SPOCK1: variants seen among roughly 807,000 people sequenced by gnomAD.
The protein encoded by SPOCK1 is SPARC (osteonectin), cwcv and kazal like domains proteoglycan 1, also known as testican-1.
In SPOCK1, 23 loss-of-function variants were observed where a neutral mutation model predicts 55.3. The ratio of observed to expected loss-of-function variants is 0.42; its 90% CI spans 0.30 to 0.59. SPOCK1 has a LOEUF of 0.59. Among genes scored for constraint, SPOCK1 ranks in the 20% least tolerant of loss-of-function variants. SPOCK1 has a pLI of 0.22. For synonymous variants in SPOCK1, 226 were observed against 221.0 expected (o/e 1.02, Z -0.20); for missense variants, 499 against 552.5 (o/e 0.90, Z 0.97).
intron 3 of SPOCK1, among the ~76,000 whole-genome samples, chr5:137,224,296 G>A (rs1378419749): frequency 6.6e-6 from 1 of 152,212 alleles, no homozygotes; most frequent in Non-Finnish European, 1.5e-5. Context: ...ATATAAATCT[G>A]GAAAATGGTG....
intron 5 of SPOCK1, among the ~76,000 whole-genome samples, chr5:137,084,124 C>T (rs995556049): frequency 3.3e-5 from 5 of 152,098 alleles, no homozygotes; most frequent in Admixed American, 1.3e-4. Context: ...GCTCATCCCC[C>T]TCTGCCAGCC....
intron 3 of SPOCK1, among the ~76,000 whole-genome samples, chr5:137,196,335 C>T (rs145148124): frequency 1.0e-3 from 152 of 152,286 alleles, no homozygotes; most frequent in Non-Finnish European, 1.9e-3. Context: ...GTCGCCTAGC[C>T]CTCTGCATCT....
intron 2 of SPOCK1, among the ~76,000 whole-genome samples, chr5:137,293,417 G>A (rs998734818): frequency 6.6e-6 from 1 of 152,130 alleles, no homozygotes; most frequent in Non-Finnish European, 1.5e-5. Context: ...TGGACTACAT[G>A]CTTTAATAAA....
At chr5:137,021,649 C>A (rs184424126) in intron 6 of SPOCK1, among the ~76,000 whole-genome samples, 60 of 152,302 alleles carry the variant, frequency 3.9e-4, no homozygotes, top group South Asian at 1.0e-3. Flanking sequence ...TCACAATAAT[C>A]TGGCAGCCAT....
intron 4 of SPOCK1, among the ~76,000 whole-genome samples, chr5:137,126,435 G>A (rs530112825): frequency 4.5e-4 from 69 of 152,320 alleles, no homozygotes; most frequent in African/African-American, 1.7e-3. Context: ...CCATTCTGAT[G>A]AGGACTCAGA....
chr5:137,391,107 G>A (rs144262234), intron 2 of SPOCK1, among the ~76,000 whole-genome samples: 4 of 151,978 alleles, frequency 2.6e-5, no homozygotes, highest in African/African-American at 9.7e-5. Flanking sequence ...CCTCCCTGAC[G>A]TTTCTCATTG....
At chr5:137,467,141 A>G (rs1444657448) in intron 2 of SPOCK1, among the ~76,000 whole-genome samples, 1 of 152,242 alleles carries the variant, frequency 6.6e-6, no homozygotes, top group Non-Finnish European at 1.5e-5. Flanking sequence ...GGCCTCCATC[A>G]GGGCAGGCAA....
intron 3 of SPOCK1, among the ~76,000 whole-genome samples, chr5:137,259,895 T>C (rs1049689035): frequency 1.5e-4 from 23 of 152,192 alleles, no homozygotes; most frequent in Non-Finnish European, 3.1e-4. Flanking sequence ...CCCTCGATAG[T>C]TAAAAGGCCC....
chr5:137,408,577 G>A (rs1424935481), intron 2 of SPOCK1, among the ~76,000 whole-genome samples: 3 of 152,184 alleles, frequency 2.0e-5, no homozygotes, highest in African/African-American at 7.2e-5. Context: ...TTGAGAAAAA[G>A]TAAGGGGAAA....
At chr5:137,195,129 T>G (rs1037893221) in intron 3 of SPOCK1, among the ~76,000 whole-genome samples, 1 of 152,226 alleles carries the variant, frequency 6.6e-6, no homozygotes, top group African/African-American at 2.4e-5. Flanking sequence ...ACTCTAACAA[T>G]GTAAAATGAC....
chr5:137,198,454 A>C (rs1226710381), intron 3 of SPOCK1, among the ~76,000 whole-genome samples: 2 of 152,246 alleles, frequency 1.3e-5, no homozygotes, highest in African/African-American at 4.8e-5. Flanking sequence ...AACAGCTATC[A>C]AAGGGAGAAA....
intron 3 of SPOCK1, 121 bp downstream of exon 3, chr5:137,266,889 A>C (rs1756862999): frequency 2.4e-6 from 2 of 838,126 alleles, no homozygotes; most frequent in Admixed American, 4.6e-5. Flanking sequence ...TTCAGTCCCC[A>C]AAGTCAATAA....
chr5:137,106,422 T>G (rs1561611254), intron 5 of SPOCK1, among the ~76,000 whole-genome samples: 1 of 152,140 alleles, frequency 6.6e-6, no homozygotes, highest in Non-Finnish European at 1.5e-5. Context: ...ATTCCAGAAG[T>G]GCTGGGCTCC....
chr5:137,419,509 T>G (rs1162821821), intron 2 of SPOCK1, among the ~76,000 whole-genome samples: 1 of 152,242 alleles, frequency 6.6e-6, no homozygotes, highest in Non-Finnish European at 1.5e-5. Flanking sequence ...CTTGAAGAGG[T>G]CCTTCACATC....
At chr5:137,398,384 C>A (rs1024331102) in intron 2 of SPOCK1, among the ~76,000 whole-genome samples, 6 of 152,208 alleles carry the variant, frequency 3.9e-5, no homozygotes, top group Admixed American at 6.5e-5. Flanking sequence ...CCATCCTCAG[C>A]TTCCCCAGGA....
In SPOCK1 at chr5:137,302,442, T is replaced by C. The variant is rs555610011; in HGVS notation, c.187-35387A>G. On this transcript the variant is annotated intron_variant, in intron 2 of 10. Transcript: ENST00000394945. ...AAAAAAAAAAATTAGCCAGGTGTGGTGGCACGCACCTGTAGTCCCAGCTAC... is the reference window on the plus strand; with the variant it reads ...AAAAAAAAAAATTAGCCAGGTGTGGCGGCACGCACCTGTAGTCCCAGCTAC... Among the ~76,000 whole-genome samples, 92 of 148,646 alleles carry C rather than the reference T, an allele frequency of 6.2e-4. No homozygotes were observed. In the East Asian group the frequency reaches 0.01, roughly 17 times the overall value.
intron 6 of SPOCK1, among the ~76,000 whole-genome samples, chr5:137,060,251 T>C (rs561876184): frequency 6.6e-6 from 1 of 152,316 alleles, no homozygotes; most frequent in African/African-American, 2.4e-5. Context: ...ACATGTACCA[T>C]AGAATACTAC....
chr5:137,387,580 G>T (rs1428594676), intron 2 of SPOCK1, among the ~76,000 whole-genome samples: 1 of 152,160 alleles, frequency 6.6e-6, no homozygotes, highest in Non-Finnish European at 1.5e-5. Flanking sequence ...GGATTTTTAG[G>T]GCAGTGAAAC....
At chr5:137,152,697 CT>C (rs1209345642) in intron 3 of SPOCK1, among the ~76,000 whole-genome samples, 7 of 152,160 alleles carry the variant, frequency 4.6e-5, no homozygotes, top group African/African-American at 1.2e-4. Flanking sequence ...CCTCATGACT[CT>C]GTCTTCTACA....
Sources: gnomAD v4.1 joint callset for allele counts (sites outside exome capture counted in the v4.1 genomes callset) on GRCh38, gnomAD v4.1.1 for gene constraint, MANE v1.5 for transcripts, NCBI Gene and HGNC (gene_info 2026-07-23, HGNC 2026-07-21) for gene names.